Variants in TRDN observed in about 807,000 individuals in gnomAD.
TRDN encodes the protein triadin in skeletal muscle.
In TRDN, 161 loss-of-function variants were observed where a neutral mutation model predicts 149.7. That is an observed-to-expected ratio of 1.08 (90% CI 0.95 to 1.23). The LOEUF (loss-of-function observed/expected upper bound fraction) is 1.23, where lower values mean the gene tolerates loss of function less well. TRDN is among the 50% of genes most tolerant of loss of function. The probability of loss-of-function intolerance (pLI) is 0.00; values close to 1 mark genes in which losing one functional copy is unlikely to be tolerated. For synonymous variants in TRDN, 294 were observed against 250.5 expected (o/e 1.17, Z -1.64); for missense variants, 896 against 823.5 (o/e 1.09, Z -1.08).
At chr6:123,507,028 T>C (rs1307706602) in intron 7 of TRDN, among the ~76,000 whole-genome samples, 1 of 152,158 alleles carries the variant, frequency 6.6e-6, no homozygotes, top group African/African-American at 2.4e-5. Context: ...GATAAATGTA[T>C]ACTGGATTAG....
chr6:123,315,641 T>C (rs1223667518), intron 24 of TRDN, among the ~76,000 whole-genome samples: 3 of 151,920 alleles, frequency 2.0e-5, no homozygotes, highest in African/African-American at 7.2e-5. Context: ...CAGAGAGATA[T>C]AGATATAGAT....
intron 19 of TRDN, among the ~76,000 whole-genome samples, chr6:123,367,653 A>G (rs908424843): frequency 4.6e-5 from 7 of 152,356 alleles, no homozygotes; most frequent in Non-Finnish European, 1.0e-4. Context: ...CTTTAGATCA[A>G]TGGCTCTTAA....
intron 4 of TRDN, among the ~76,000 whole-genome samples, chr6:123,540,720 T>G (rs528854909): frequency 6.6e-6 from 1 of 152,214 alleles, no homozygotes; most frequent in South Asian, 2.1e-4. Context: ...GTGTTTCACC[T>G]TGTTAGCCAG....
chr6:123,313,524 G>C (rs1214524486), intron 24 of TRDN, among the ~76,000 whole-genome samples: 1 of 151,740 alleles, frequency 6.6e-6, no homozygotes, highest in East Asian at 1.9e-4. Context: ...TTTCCATAGG[G>C]CTTCTGTAGT....
intron 24 of TRDN, among the ~76,000 whole-genome samples, chr6:123,307,708 T>C (rs375682682): frequency 6.6e-6 from 1 of 152,108 alleles, no homozygotes; most frequent in East Asian, 1.9e-4. Flanking sequence ...ATTCCCACTT[T>C]TTCCTGAAAG....
chr6:123,467,528 C>CA (rs955197541), intron 9 of TRDN, among the ~76,000 whole-genome samples: 6 of 149,886 alleles, frequency 4.0e-5, no homozygotes, highest in South Asian at 2.1e-4. Context: ...GGACCACAAG[C>CA]AAAAAAAAAT....
chr6:123,355,740 T>A (rs1359660440), intron 20 of TRDN, among the ~76,000 whole-genome samples: 1 of 151,804 alleles, frequency 6.6e-6, no homozygotes, highest in Non-Finnish European at 1.5e-5. Context: ...CAAAATCAAG[T>A]CATCTGATTG....
rs1206472256 is a variant in TRDN, at chr6:123,278,325, C to T, written c.1560G>A (p.Glu520=). The change falls in exon 26 of 41, where the codon GAG becomes GAA. Residue 520 remains glutamate, a synonymous_variant. Coordinates refer to ENST00000334268, the MANE Select transcript of TRDN (RefSeq NM_006073.4). The part of the protein sequence containing the change: ...KPPQLQGKKE[E]KPEPQIKKEA... Reference sequence around the variant, plus strand: ...TAAATAAAATATACATACCTGGCTTCTCTTCCTTTTTTCCTTGTAGTTCTA... The same window carrying T: ...TAAATAAAATATACATACCTGGCTTTTCTTCCTTTTTTCCTTGTAGTTCTA... 1 of 1,294,962 alleles carries T rather than the reference C, an allele frequency of 7.7e-7. No individual in the cohort carries two copies. Among genetic ancestry groups the T allele is most frequent in the Non-Finnish European group, 1.0e-6 (1 of 960,260 alleles). 80.2% of individuals were successfully genotyped at this position (1,294,962 alleles called of 1,614,324 possible). A position where few individuals can be genotyped will look rare whatever the true frequency, so the allele number is the denominator to read the frequency against.
At chr6:123,371,280 A>C (rs898291799) in intron 19 of TRDN, among the ~76,000 whole-genome samples, 1 of 152,214 alleles carries the variant, frequency 6.6e-6, no homozygotes, top group Non-Finnish European at 1.5e-5. Flanking sequence ...AATACCAGCT[A>C]TATCAGCAAC....
At chr6:123,602,336 C>A (rs1784317967) in intron 1 of TRDN, among the ~76,000 whole-genome samples, 2 of 151,884 alleles carry the variant, frequency 1.3e-5, no homozygotes, top group African/African-American at 4.8e-5. Flanking sequence ...AATGGAAAAC[C>A]AAATATCATA....
chr6:123,442,551 A>G (rs1464328928), intron 10 of TRDN, among the ~76,000 whole-genome samples: 2 of 95,816 alleles, frequency 2.1e-5, no homozygotes, highest in Non-Finnish European at 4.0e-5. Context: ...GTCTCAAAAA[A>G]AAAAAAAAAA....
At chr6:123,490,218 T>G (rs1301583355) in intron 9 of TRDN, among the ~76,000 whole-genome samples, 1 of 152,174 alleles carries the variant, frequency 6.6e-6, no homozygotes, top group African/African-American at 2.4e-5. Context: ...TTCCCTCTTA[T>G]CCATAAAAAA....
intron 9 of TRDN, among the ~76,000 whole-genome samples, chr6:123,473,032 A>C (rs1777266215): frequency 6.6e-6 from 1 of 152,242 alleles, no homozygotes; most frequent in Non-Finnish European, 1.5e-5. Context: ...TAAAAACCAG[A>C]GCGCCTCTCC....
chr6:123,582,434 A>T (rs1289657328), intron 1 of TRDN, among the ~76,000 whole-genome samples: 1 of 146,860 alleles, frequency 6.8e-6, no homozygotes, highest in Non-Finnish European at 1.5e-5. Flanking sequence ...CCAAAAAGAG[A>T]GTCAGTGAAG....
At chr6:123,444,552 A>C (rs201531326) in intron 10 of TRDN, among the ~76,000 whole-genome samples, 1 of 150,050 alleles carries the variant, frequency 6.7e-6, no homozygotes, top group Non-Finnish European at 1.5e-5. Flanking sequence ...AACTTCCAAC[A>C]CTATGTTGAA....
At chr6:123,560,894 A>G (rs1014335965) in intron 2 of TRDN, among the ~76,000 whole-genome samples, 14 of 152,256 alleles carry the variant, frequency 9.2e-5, no homozygotes, top group Admixed American at 7.8e-4. Flanking sequence ...GTGGAAATCT[A>G]TCCTCAAGGA....
In TRDN at chr6:123,583,082, C is replaced by A. The variant is rs530718499; in HGVS notation, c.23-11950G>T. On this transcript the variant is annotated intron_variant, in intron 1 of 40. Transcript: ENST00000334268. ...GAATTGGGATGACTCAGGACATCTG[C>A]TTAGAGAGTGCCTAAGGAGATCAGC... 2.0e-5 allele frequency among the ~76,000 whole-genome samples: 3 copies of A among 152,156 alleles called. No individual in the cohort carries two copies. In the East Asian group the frequency reaches 5.8e-4, roughly 30 times the overall value.
intron 9 of TRDN, among the ~76,000 whole-genome samples, chr6:123,496,896 A>G (rs1040400076): frequency 6.6e-6 from 1 of 152,098 alleles, no homozygotes; most frequent in Non-Finnish European, 1.5e-5. Context: ...ATAAAATAAG[A>G]TGATTCACTG....
chr6:123,341,336 T>G (rs1780056125), intron 21 of TRDN, among the ~76,000 whole-genome samples: 1 of 151,924 alleles, frequency 6.6e-6, no homozygotes, highest in Non-Finnish European at 1.5e-5. Flanking sequence ...TTAACTGTTT[T>G]GTATTCTATT....
Sources: gnomAD v4.1 joint callset for allele counts (sites outside exome capture counted in the v4.1 genomes callset) on GRCh38, gnomAD v4.1.1 for gene constraint, MANE v1.5 for transcripts, NCBI Gene and HGNC (gene_info 2026-07-23, HGNC 2026-07-21) for gene names.